The following ROBO2 variants were observed in gnomAD, a reference collection of about 807,000 sequenced individuals.
The protein encoded by ROBO2 is roundabout guidance receptor 2.
A neutral mutation model predicts 160.8 loss-of-function variants in ROBO2; 53 were observed. The observed-to-expected ratio is 0.33, with a 90% CI of 0.26 to 0.41. The LOEUF (loss-of-function observed/expected upper bound fraction) is 0.41, where lower values mean the gene tolerates loss of function less well. ROBO2 is among the 10% of genes least tolerant of loss of function. The pLI, the probability that ROBO2 is intolerant of heterozygous loss-of-function variation, is 1.00. For synonymous variants in ROBO2, 664 were observed against 611.7 expected (o/e 1.09, Z -1.26); for missense variants, 1,577 against 1,722.4 (o/e 0.92, Z 1.49).
At chr3:76,294,388 T>G (rs1349265129) in intron 2 of ROBO2, among the ~76,000 whole-genome samples, 1 of 152,152 alleles carries the variant, frequency 6.6e-6, no homozygotes, top group Non-Finnish European at 1.5e-5. Flanking sequence ...CTGCCATCAC[T>G]GCTGCCATCA....
chr3:77,592,289 A>G (rs183521185), intron 17 of ROBO2, among the ~76,000 whole-genome samples: 50 of 152,282 alleles, frequency 3.3e-4, no homozygotes, highest in African/African-American at 1.1e-3. Flanking sequence ...GCAGAGATAC[A>G]GAGATAAGTG....
At chr3:77,111,832 C>T (rs13099286) in intron 2 of ROBO2, among the ~76,000 whole-genome samples, 36,267 of 152,030 alleles carry the variant, frequency 0.24, 6,184 homozygotes, top group African/African-American at 0.49. Context: ...GCGTCTTGAT[C>T]CTTTGCTGCT....
At chr3:76,889,226 A>C (rs537213754) in intron 2 of ROBO2, among the ~76,000 whole-genome samples, 2 of 152,350 alleles carry the variant, frequency 1.3e-5, no homozygotes, top group South Asian at 2.1e-4. Flanking sequence ...TGCTTAGTGT[A>C]GGCACAAAAG....
chr3:76,512,673 A>C (rs2081159544), intron 2 of ROBO2, among the ~76,000 whole-genome samples: 1 of 152,118 alleles, frequency 6.6e-6, no homozygotes, highest in African/African-American at 2.4e-5. Flanking sequence ...CAATGTACAC[A>C]CACTTTCTTT....
chr3:75,964,932 A>G (rs530842683), intron 2 of ROBO2: 9 of 151,798 alleles, frequency 5.9e-5, no homozygotes, highest in South Asian at 2.1e-4. Context: ...TGGTTGTACT[A>G]TTATCCAACT....
At chr3:77,049,642 C>G (rs1427755406) in intron 1 of ROBO2, among the ~76,000 whole-genome samples, 1 of 152,154 alleles carries the variant, frequency 6.6e-6, no homozygotes, top group Non-Finnish European at 1.5e-5. Context: ...TAACTAGAAC[C>G]ATATGCAACA....
At chr3:76,803,433 G>GAGGAAGGAGGGAGGGAAGGA (rs2064390463) in intron 2 of ROBO2, among the ~76,000 whole-genome samples, 4 of 128,714 alleles carry the variant, frequency 3.1e-5, no homozygotes, top group South Asian at 2.9e-4. Context: ...TACAAAAGAG[G>GAGGAAGGAGGGAGGGAAGGA]AGGAAGGATG....
chr3:76,871,581 A>G (rs936538667), intron 2 of ROBO2, among the ~76,000 whole-genome samples: 7 of 152,030 alleles, frequency 4.6e-5, no homozygotes, highest in African/African-American at 1.4e-4. Context: ...GAAAAAGAAA[A>G]ATACCTCCTT....
intron 2 of ROBO2, among the ~76,000 whole-genome samples, chr3:76,631,316 G>A (rs1048029941): frequency 1.3e-5 from 2 of 151,966 alleles, no homozygotes; most frequent in Admixed American, 1.3e-4. Context: ...TATATTTTGG[G>A]AAAAAAATCT....
intron 2 of ROBO2, among the ~76,000 whole-genome samples, chr3:76,937,670 C>A (rs1165981006): frequency 6.6e-6 from 1 of 152,026 alleles, no homozygotes; most frequent in African/African-American, 2.4e-5. Flanking sequence ...CCATTTGCAC[C>A]AATTTACATC....
intron 2 of ROBO2, among the ~76,000 whole-genome samples, chr3:76,640,257 G>A (rs917038184): frequency 5.3e-5 from 8 of 152,152 alleles, no homozygotes; most frequent in East Asian, 3.9e-4. Flanking sequence ...AGGGCCGGGC[G>A]CGGTGGCTCA....
At chr3:76,826,007 A>C (rs1420071342) in intron 2 of ROBO2, among the ~76,000 whole-genome samples, 1 of 151,496 alleles carries the variant, frequency 6.6e-6, no homozygotes, top group Non-Finnish European at 1.5e-5. Context: ...TTTTTTTTTC[A>C]AATCAAAAGC....
At chr3:76,458,613 A>G (rs2077912174) in intron 2 of ROBO2, among the ~76,000 whole-genome samples, 1 of 152,122 alleles carries the variant, frequency 6.6e-6, no homozygotes, top group African/African-American at 2.4e-5. Context: ...ACTGATACCA[A>G]TTTACCGTAT....
intron 2 of ROBO2, among the ~76,000 whole-genome samples, chr3:77,363,754 A>C (rs1457658380): frequency 1.3e-5 from 2 of 152,142 alleles, no homozygotes; most frequent in African/African-American, 4.8e-5. Flanking sequence ...GTCTTCAAGG[A>C]AGAAGGGAGA....
chr3:77,586,420 T>G (rs1559670761), intron 16 of ROBO2, among the ~76,000 whole-genome samples: 1 of 152,174 alleles, frequency 6.6e-6, no homozygotes, highest in Non-Finnish European at 1.5e-5. Context: ...CTGATGTGTC[T>G]AATTAATTTT....
chr3:77,125,131 T>C (rs950228461), intron 2 of ROBO2, among the ~76,000 whole-genome samples: 1 of 152,168 alleles, frequency 6.6e-6, no homozygotes, highest in Admixed American at 6.5e-5. Context: ...AGTTTTTAGA[T>C]ACAAGCTTTC....
intron 2 of ROBO2, among the ~76,000 whole-genome samples, chr3:76,177,140 TTA>T (rs1381260250): frequency 1.3e-5 from 2 of 152,168 alleles, no homozygotes; most frequent in Admixed American, 6.5e-5. Flanking sequence ...TTGCCATTTT[TTA>T]TGTCTAATGT....
rs567500157 is a variant in ROBO2 at position 76,320,212 on chromosome 3, A to G, written c.109+382610A>G. On this transcript the variant is annotated intron_variant, in intron 2 of 26. Transcript: ENST00000487694. Reference sequence around the variant, plus strand: ...AATAAAACTTTATGTACCTTTAGCAATAATATTTATTTGAATGACTACATT... The same window carrying G: ...AATAAAACTTTATGTACCTTTAGCAGTAATATTTATTTGAATGACTACATT... 7.2e-5 allele frequency among the ~76,000 whole-genome samples: 11 copies of G among 152,302 alleles called. No homozygotes were observed. In the East Asian group the frequency reaches 1.2e-3, roughly 16 times the overall value.
chr3:75,967,117 CT>C (rs1331260347), intron 2 of ROBO2, among the ~76,000 whole-genome samples: 1 of 151,594 alleles, frequency 6.6e-6, no homozygotes, highest in Non-Finnish European at 1.5e-5. Flanking sequence ...GCTGATTTTT[CT>C]TTTAAGGAGT....
Sources: allele counts gnomAD v4.1 joint callset (sites outside exome capture counted in the v4.1 genomes callset), GRCh38; gene constraint gnomAD v4.1.1; transcripts MANE v1.5; gene names NCBI Gene and HGNC (gene_info 2026-07-23, HGNC 2026-07-21).